The following PSD3 variants were observed in gnomAD, a reference collection of about 807,000 sequenced individuals.
PSD3 encodes the protein PH and SEC7 domain-containing protein 3.
In PSD3, 49 loss-of-function variants were observed where a neutral mutation model predicts 105.5. The observed-to-expected ratio is 0.46, with a 90% CI of 0.37 to 0.59. PSD3 has a LOEUF of 0.59. Ranked by LOEUF, PSD3 falls within the 20% of genes least tolerant of loss-of-function variation. The pLI is 0.00. For synonymous variants in PSD3, 557 were observed against 457.8 expected, an observed-to-expected ratio of 1.22 and a Z score of -2.77; for missense variants, 1,561 against 1,263.8, an observed-to-expected ratio of 1.24 and a Z score of -3.57.
intron 1 of PSD3, among the ~76,000 whole-genome samples, chr8:18,960,809 G>C (rs974803999): frequency 2.0e-5 from 3 of 152,050 alleles, no homozygotes; most frequent in African/African-American, 7.2e-5. Flanking sequence ...AGACAGGCTG[G>C]GCACAGTGGC....
chr8:19,023,686 C>T (rs1022637389), intron 1 of PSD3, among the ~76,000 whole-genome samples: 4 of 152,176 alleles, frequency 2.6e-5, no homozygotes, highest in African/African-American at 4.8e-5. Flanking sequence ...ATCCTCCAGT[C>T]TCAGCCTCCT....
intron 2 of PSD3, among the ~76,000 whole-genome samples, chr8:18,904,921 T>C (rs571992577): frequency 1.3e-5 from 2 of 152,222 alleles, no homozygotes; most frequent in Non-Finnish European, 2.9e-5. Flanking sequence ...TAACTTGTTA[T>C]TCAAGAACTT....
intron 15 of PSD3, among the ~76,000 whole-genome samples, chr8:18,542,597 A>C (rs1800213265): frequency 6.6e-6 from 1 of 152,224 alleles, no homozygotes; most frequent in African/African-American, 2.4e-5. Flanking sequence ...AAAAATTAAC[A>C]TAGTTCCAGA....
intron 12 of PSD3, 60 bp downstream of exon 12, chr8:18,600,304 C>A: frequency 7.0e-7 from 1 of 1,420,150 alleles, no homozygotes; most frequent in Non-Finnish European, 9.9e-7. Flanking sequence ...CATACATATA[C>A]TGGACCTCAT....
At chr8:18,852,117 G>A (rs147399026) in intron 4 of PSD3, among the ~76,000 whole-genome samples, 6,990 of 151,890 alleles carry the variant, frequency 0.046, 194 homozygotes, top group Admixed American at 0.083. Context: ...AATTTCCCTT[G>A]ACTGTTAACA....
At chr8:18,582,816 CT>C (rs71217386) in intron 12 of PSD3, among the ~76,000 whole-genome samples, 153 of 125,384 alleles carry the variant, frequency 1.2e-3, no homozygotes, top group African/African-American at 4.8e-3. Context: ...CCACACTGAT[CT>C]TTTTTTTTTT....
intron 1 of PSD3, among the ~76,000 whole-genome samples, chr8:18,967,130 C>T (rs1467982709): frequency 6.6e-6 from 1 of 151,544 alleles, no homozygotes; most frequent in Non-Finnish European, 1.5e-5. Context: ...AGCATGGAAT[C>T]CCACTTAGGA....
intron 1 of PSD3, among the ~76,000 whole-genome samples, chr8:19,075,359 T>A (rs972039485): frequency 5.3e-5 from 8 of 152,220 alleles, no homozygotes; most frequent in African/African-American, 1.9e-4. Context: ...CACCTTGGCC[T>A]CCCAAATTGT....
intron 12 of PSD3, among the ~76,000 whole-genome samples, chr8:18,590,101 G>A (rs1205451336): frequency 1.3e-5 from 2 of 152,060 alleles, no homozygotes; most frequent in African/African-American, 4.8e-5. Context: ...GAAATATAAA[G>A]TCCTTTAAAT....
chr8:18,592,721 C>A (rs1422483144), intron 12 of PSD3, among the ~76,000 whole-genome samples: 1 of 152,030 alleles, frequency 6.6e-6, no homozygotes, highest in Non-Finnish European at 1.5e-5. Context: ...AACAAAAACA[C>A]TTGCCACACA....
chr8:18,900,309 A>T (rs146967854), intron 2 of PSD3, among the ~76,000 whole-genome samples: 1 of 152,176 alleles, frequency 6.6e-6, no homozygotes, highest in Admixed American at 6.6e-5. Context: ...CTGCATCCAC[A>T]TAACAGCTAC....
intron 4 of PSD3, among the ~76,000 whole-genome samples, chr8:18,816,792 A>G (rs948896187): frequency 6.6e-6 from 1 of 152,188 alleles, no homozygotes; most frequent in African/African-American, 2.4e-5. Context: ...TTCCAGGTAA[A>G]TATTAGGTCT....
intron 9 of PSD3, chr8:18,734,235 A>C (rs1434552056): frequency 6.6e-6 from 1 of 152,210 alleles, no homozygotes; most frequent in Non-Finnish European, 1.5e-5. Context: ...TTTTTGTTTC[A>C]AAGCCCAAGT....
At chr8:18,606,672 A>C (rs924979280) in intron 11 of PSD3, among the ~76,000 whole-genome samples, 1 of 152,180 alleles carries the variant, frequency 6.6e-6, no homozygotes, top group Non-Finnish European at 1.5e-5. Context: ...CAAGGAGAGA[A>C]ACTGGAACAA....
chr8:19,058,519 G>C (rs955053535), intron 1 of PSD3, among the ~76,000 whole-genome samples: 39 of 149,678 alleles, frequency 2.6e-4, no homozygotes, highest in Admixed American at 2.3e-3. Flanking sequence ...TATATTATAT[G>C]TGTGTTAAAA....
intron 8 of PSD3, among the ~76,000 whole-genome samples, chr8:18,791,070 A>G (rs1418291815): frequency 6.6e-6 from 1 of 152,250 alleles, no homozygotes; most frequent in African/African-American, 2.4e-5. Flanking sequence ...CAAAAAAATC[A>G]GAGATGACAC....
rs973933673 is a variant in PSD3 at position 18,765,519 on chromosome 8, G to A, written c.2102C>T (p.Thr701Ile). The A allele has an allele frequency of 6.2e-7, 1 of 1,610,668 alleles. No homozygotes were observed. Among genetic ancestry groups the A allele is most frequent in the South Asian group, 1.1e-5 (1 of 90,992 alleles). ...CAGATTTGCAATGAACTCCTGACAG[G>A]TCATCTTCTTTCCAATATTCTGAAA... ...LHGHNIGKKMTCQEFIANLQG... is the reference protein window; with the variant it reads ...LHGHNIGKKMICQEFIANLQG... Residue 701 changes from threonine to isoleucine, a missense_variant, in exon 9 of 16, where the codon ACC becomes ATC. Transcript: ENST00000327040.
At chr8:18,878,448 T>TTA (rs1817876459) in intron 2 of PSD3, among the ~76,000 whole-genome samples, 1 of 152,312 alleles carries the variant, frequency 6.6e-6, no homozygotes, top group African/African-American at 2.4e-5. Context: ...CTTTCACATG[T>TTA]TATACCATTG....
intron 2 of PSD3, among the ~76,000 whole-genome samples, chr8:18,877,548 T>C (rs1334746102): frequency 1.3e-5 from 2 of 151,612 alleles, no homozygotes; most frequent in African/African-American, 4.9e-5. Flanking sequence ...TCTTTTTTTT[T>C]TTTTTTTCTT....
Sources: gnomAD v4.1 joint callset for allele counts (sites outside exome capture counted in the v4.1 genomes callset) on GRCh38, gnomAD v4.1.1 for gene constraint, MANE v1.5 for transcripts, NCBI Gene and HGNC (gene_info 2026-07-23, HGNC 2026-07-21) for gene names.